The following CALB2 variants were observed in gnomAD, a reference collection of about 807,000 sequenced individuals.
CALB2 encodes calretinin.
A neutral mutation model predicts 45.9 loss-of-function variants in CALB2; 34 were observed. That is an observed-to-expected ratio of 0.74 (90% CI 0.56 to 0.99). The LOEUF is 0.99. CALB2 is among the 50% of genes least tolerant of loss of function. The pLI is 0.00. For synonymous variants in CALB2, 142 were observed against 129.6 expected (o/e 1.10, Z -0.65); for missense variants, 344 against 339.3 (o/e 1.01, Z -0.11).
intron 6 of CALB2, 101 bp from the exon 7 acceptor site, chr16:71,383,869 C>A: frequency 7.5e-7 from 1 of 1,324,906 alleles, no homozygotes; most frequent in Non-Finnish European, 1.1e-6. Context: ...GAAGCATGAG[C>A]ACGTGTCACC....
intron 1 of CALB2, among the ~76,000 whole-genome samples, chr16:71,361,922 A>G (rs2042241005): frequency 6.6e-6 from 1 of 152,222 alleles, no homozygotes; most frequent in Admixed American, 6.5e-5. Flanking sequence ...CTGGTCTCCT[A>G]GTCCGCAATA....
intron 1 of CALB2, 54 bp from the exon 2 acceptor site, chr16:71,372,099 G>C: frequency 3.3e-6 from 4 of 1,196,908 alleles, no homozygotes; most frequent in Non-Finnish European, 3.7e-6. Flanking sequence ...TGCCCACCCC[G>C]TGCCCCCCTT....
chr16:71,384,296 C>A, intron 7 of CALB2, 43 bp from the exon 8 acceptor site: 2 of 1,558,628 alleles, frequency 1.3e-6, no homozygotes, highest in Non-Finnish European at 1.8e-6. Context: ...CTTGCCCTTG[C>A]CTGTGCAGTC....
chr16:71,370,315 T>C (rs1217881211), intron 1 of CALB2, among the ~76,000 whole-genome samples: 1 of 152,224 alleles, frequency 6.6e-6, no homozygotes, highest in East Asian at 1.9e-4. Context: ...TTTTCTCTGT[T>C]GCGTTTGTAA....
At chr16:71,381,629 G>A (rs2042493022) in intron 4 of CALB2, among the ~76,000 whole-genome samples, 1 of 152,148 alleles carries the variant, frequency 6.6e-6, no homozygotes, top group African/African-American at 2.4e-5. Flanking sequence ...AGTGGTTGCT[G>A]GCTCCCAGAA....
At chr16:71,367,291 C>T (rs1046561002) in intron 1 of CALB2, among the ~76,000 whole-genome samples, 6 of 152,162 alleles carry the variant, frequency 3.9e-5, no homozygotes, top group African/African-American at 9.7e-5. Flanking sequence ...ATGGTAACCA[C>T]GTCTTTATCG....
chr16:71,389,951 C>T lies in CALB2; in HGVS notation c.*86C>T, dbSNP rs1024504733. 3.2e-5 allele frequency: 27 copies of T among 842,190 alleles called. No homozygotes were observed. The highest frequency in any genetic ancestry group is 2.7e-4 in the South Asian group (19 of 70,944). 52.2% of individuals were successfully genotyped at this position (842,190 alleles called of 1,614,324 possible). On this transcript the variant is annotated 3_prime_UTR_variant, in exon 11 of 11. Coordinates refer to ENST00000302628, the MANE Select transcript of CALB2 (RefSeq NM_001740.5). ...TCTACCCAGACTCAGAGACCGTGAG[C>T]GCCCCGCCCCCACCCCTACAGCCTG...
chr16:71,370,483 A>AG (rs956280590), intron 1 of CALB2, among the ~76,000 whole-genome samples: 3 of 132,988 alleles, frequency 2.3e-5, no homozygotes, highest in African/African-American at 3.4e-5. Flanking sequence ...TGGGAGTGTT[A>AG]AAAAAAAAAA....
At chr16:71,383,813 G>A (rs555433821) in intron 6 of CALB2, among the ~76,000 whole-genome samples, 157 bp from the exon 7 acceptor site, 1 of 152,188 alleles carries the variant, frequency 6.6e-6, no homozygotes, top group East Asian at 1.9e-4. Flanking sequence ...GGACCCCCGT[G>A]ACTGATTTAG....
Position 71,389,769 on chromosome 16 carries a change from CACCA to C in CALB2, c.723_726del (p.Asn242ThrfsTer88), listed in dbSNP as rs1332858335. 3 of 1,613,712 alleles carry C rather than the reference CACCA, an allele frequency of 1.9e-6. No homozygotes were observed. The highest frequency in any genetic ancestry group is 2.5e-6 in the Non-Finnish European group (3 of 1,179,808). On this transcript the variant is annotated frameshift_variant, in exon 11 of 11. Transcript: ENST00000302628. LOFTEE classifies it high-confidence loss of function. ...CCTAGGAAATGAATATTCAACAGCT[CACCA>C]ACTACAGAAAGAGCGTCATGTCCTT...
intron 1 of CALB2, among the ~76,000 whole-genome samples, chr16:71,368,605 T>C (rs1318841071): frequency 1.5e-4 from 23 of 152,212 alleles, no homozygotes; most frequent in Admixed American, 1.5e-3. Flanking sequence ...TGGTCCTCCC[T>C]GGCTGTGTGG....
intron 10 of CALB2, chr16:71,389,395 C>T (rs2042610227): frequency 2.2e-6 from 1 of 455,214 alleles, no homozygotes; most frequent in African/African-American, 2.0e-5. Context: ...GTCACAATAG[C>T]TACCTTTTAT....
Position 71,384,349 on chromosome 16 carries a change from G to T in CALB2, c.544G>T (p.Val182Phe), listed in dbSNP as rs1371999257. The T allele has an allele frequency of 6.2e-7, 1 of 1,613,058 alleles. No homozygotes were observed. Among genetic ancestry groups the T allele is most frequent in the Non-Finnish European group, 8.5e-7 (1 of 1,179,584 alleles). ...ACATTTTCTCCCCAGACTCCTGCCT[G>T]TCCAGGAAAACTTCCTGCTTAAATT... is the stretch of plus-strand genomic sequence containing the variant. The part of the protein sequence containing the change: ...GLSEMSRLLP[V>F]QENFLLKFQG... Residue 182 changes from valine (V) to phenylalanine (F), a missense_variant, in exon 8 of 11, where the codon GTC becomes TTC. Physicochemically the swap from Val to Phe is conservative, Grantham distance 50. This residue lies in a region of CALB2 where 263 missense variants were observed against 241.7 expected (regional missense o/e 1.09). Transcript: ENST00000302628.
intron 5 of CALB2, among the ~76,000 whole-genome samples, chr16:71,383,130 G>A (rs2042519463): frequency 6.6e-6 from 1 of 152,122 alleles, no homozygotes; most frequent in Non-Finnish European, 1.5e-5. Flanking sequence ...GGTCTCCCAG[G>A]AGGCAGAGCC....
At chr16:71,361,974 C>T (rs563211499) in intron 1 of CALB2, among the ~76,000 whole-genome samples, 25 of 152,274 alleles carry the variant, frequency 1.6e-4, no homozygotes, top group African/African-American at 4.1e-4. Context: ...CAAGAGCATG[C>T]GTTTGGGAGG....
intron 10 of CALB2, among the ~76,000 whole-genome samples, chr16:71,387,435 C>T (rs900255250): frequency 2.0e-5 from 3 of 151,170 alleles, no homozygotes; most frequent in Non-Finnish European, 2.9e-5. Context: ...CTCTAAATCA[C>T]AGCACCTGTG....
intron 6 of CALB2, 100 bp from the exon 7 acceptor site, chr16:71,383,870 A>G (rs2042531206): frequency 7.4e-7 from 1 of 1,344,474 alleles, no homozygotes; most frequent in African/African-American, 1.4e-5. Context: ...AAGCATGAGC[A>G]CGTGTCACCC....
chr16:71,384,622 TACAC>T (rs757398687), intron 8 of CALB2, among the ~76,000 whole-genome samples, 157 bp from the exon 9 acceptor site: 16 of 1,906 alleles, frequency 8.4e-3, no homozygotes, highest in Non-Finnish European at 0.016. Context: ...ACACCCCACA[TACAC>T]AGAGACATCA....
At chr16:71,382,155 A>AAGGAAGGAAGGAAGGAAG (rs61050017) in intron 4 of CALB2, among the ~76,000 whole-genome samples, 69,513 of 141,936 alleles carry the variant, frequency 0.49, 17,919 homozygotes, top group Middle Eastern at 0.6. Flanking sequence ...AAGGAAGGAA[A>AAGGAAGGAAGGAAGGAAG]GAAAATAAAG....
Sources: allele counts gnomAD v4.1 joint callset (sites outside exome capture counted in the v4.1 genomes callset), GRCh38; gene constraint gnomAD v4.1.1; regional missense constraint gnomAD v4.1.1; transcripts MANE v1.5; gene names NCBI Gene and HGNC (gene_info 2026-07-23, HGNC 2026-07-21).